MAP3K8: variants seen among roughly 807,000 people sequenced by gnomAD.
MAP3K8 encodes mitogen-activated protein kinase kinase kinase 8, also known as Ewing sarcoma transformant.
Under a neutral mutation model 45.8 loss-of-function variants are expected in MAP3K8, and 22 were observed. The observed-to-expected ratio is 0.48, with a 90% CI of 0.34 to 0.69. MAP3K8 has a LOEUF of 0.69. Among genes scored for constraint, MAP3K8 ranks in the 30% least tolerant of loss-of-function variants. The pLI, the probability that MAP3K8 is intolerant of heterozygous loss-of-function variation, is 0.01. For synonymous variants in MAP3K8, 223 were observed against 214.3 expected (o/e 1.04, Z -0.36); for missense variants, 419 against 585.0 (o/e 0.72, Z 2.93).
chr10:30,458,998 G>T (rs570675977), intron 7 of MAP3K8, among the ~76,000 whole-genome samples: 17 of 152,218 alleles, frequency 1.1e-4, no homozygotes, highest in East Asian at 7.7e-4. Context: ...GATCACTTGA[G>T]CCCAGGAGTT....
intron 3 of MAP3K8, among the ~76,000 whole-genome samples, chr10:30,446,233 T>C (rs1452843654): frequency 6.6e-6 from 1 of 152,080 alleles, no homozygotes; most frequent in Admixed American, 6.5e-5. Context: ...TAAGGTCCTT[T>C]AATAGTTTCA....
intron 3 of MAP3K8, among the ~76,000 whole-genome samples, chr10:30,447,366 C>T (rs1049145152): frequency 6.6e-6 from 1 of 152,136 alleles, no homozygotes; most frequent in Non-Finnish European, 1.5e-5. Context: ...TCTCTGTATG[C>T]GTCATGTGTG....
intron 3 of MAP3K8, among the ~76,000 whole-genome samples, chr10:30,444,373 G>A (rs1383314671): frequency 1.3e-5 from 2 of 152,138 alleles, no homozygotes; most frequent in Non-Finnish European, 1.5e-5. Context: ...TGAGACAGGA[G>A]AATCGCTTGA....
intron 3 of MAP3K8, among the ~76,000 whole-genome samples, chr10:30,441,847 T>A (rs1001336828): frequency 5.3e-5 from 8 of 152,202 alleles, no homozygotes; most frequent in African/African-American, 1.7e-4. Flanking sequence ...CGGCTCCCTT[T>A]CATCCTCACG....
Position 30,458,253 on chromosome 10 carries a change from C to CCCCGGGG in MAP3K8, c.1026+17_1026+18insCCCGGGG. On this transcript the variant is annotated intron_variant, in intron 7 of 8. Transcript: ENST00000263056. ...CTGTACATAGTAAGTGGGGTTCAAC[C>CCCCGGGG]AGGGCTGGGGGCGGCGGGGGGGGGC... is the stretch of plus-strand genomic sequence containing the variant. The CCCCGGGG allele has an allele frequency of 1.7e-6, 1 of 599,134 alleles. No individual in the cohort carries two copies. The highest frequency in any genetic ancestry group is 2.3e-5 in the African/African-American group (1 of 44,172). The allele number at this position is 599,134 out of a possible 1,614,324, so 37.1% of individuals were successfully genotyped here. A position where few individuals can be genotyped will look rare whatever the true frequency, so the allele number is the denominator to read the frequency against.
At chr10:30,439,855 A>T (rs890508574) in intron 3 of MAP3K8, among the ~76,000 whole-genome samples, 4 of 152,256 alleles carry the variant, frequency 2.6e-5, no homozygotes, top group African/African-American at 7.2e-5. Context: ...TTCACTAAAA[A>T]GTTTATTCAT....
At chr10:30,450,837 T>A (rs1836512658) in intron 5 of MAP3K8, among the ~76,000 whole-genome samples, 1 of 151,984 alleles carries the variant, frequency 6.6e-6, no homozygotes, top group East Asian at 1.9e-4. Context: ...ATCTCAGCAC[T>A]TTGGGATGCT....
At chr10:30,434,780 T>G (rs1374172348) in intron 1 of MAP3K8, 1 of 985,296 alleles carries the variant, frequency 1.0e-6, no homozygotes, top group African/African-American at 1.7e-5. Flanking sequence ...GAGGACCCGA[T>G]CCTCCCAAAT....
chr10:30,450,927 CAAAA>C (rs1390384535), intron 5 of MAP3K8, among the ~76,000 whole-genome samples: 2 of 101,904 alleles, frequency 2.0e-5, no homozygotes, highest in African/African-American at 3.6e-5. Context: ...ACTAAAAATA[CAAAA>C]AAAAAAAAAA....
intron 3 of MAP3K8, among the ~76,000 whole-genome samples, chr10:30,439,917 A>G (rs1162084663): frequency 1.3e-5 from 2 of 152,248 alleles, no homozygotes; most frequent in East Asian, 3.8e-4. Flanking sequence ...TGAGAGGGGA[A>G]TAAACACTTT....
chr10:30,459,202 G>A, intron 7 of MAP3K8, 53 bp from the exon 8 acceptor site: 1 of 1,607,046 alleles, frequency 6.2e-7, no homozygotes. Flanking sequence ...TGCTTTTGCT[G>A]TTGAGGGTGT....
At chr10:30,438,713 A>G (rs1242540567) in intron 2 of MAP3K8, 1 of 427,766 alleles carries the variant, frequency 2.3e-6, no homozygotes, top group African/African-American at 2.0e-5. Context: ...CCCTCTGCAA[A>G]GTGAGCTGGA....
chr10:30,446,569 A>T (rs78398619), intron 3 of MAP3K8, among the ~76,000 whole-genome samples: 3 of 151,824 alleles, frequency 2.0e-5, no homozygotes, highest in African/African-American at 7.3e-5. Context: ...AAGAAGTTTC[A>T]TAACTCCTGA....
intron 6 of MAP3K8, among the ~76,000 whole-genome samples, chr10:30,456,662 T>TA (rs1237374298): frequency 6.6e-6 from 1 of 152,204 alleles, no homozygotes; most frequent in Non-Finnish European, 1.5e-5. Flanking sequence ...TGGTCACCAG[T>TA]GTTTGCTCTG....
rs756322304 is a variant in MAP3K8 at position 30,447,811 on chromosome 10, A to T, written c.366A>T (p.Gln122His). ...MVITPQNGRY[Q>H]IDSDVLLIPW... Reference sequence around the variant, plus strand: ...TCACTCCCCAAAATGGACGTTACCAAATAGATTCCGATGTTCTCCTGATCC... The same window carrying T: ...TCACTCCCCAAAATGGACGTTACCATATAGATTCCGATGTTCTCCTGATCC... The change falls in exon 4 of 9, where the codon CAA becomes CAT. Residue 122 changes from glutamine (Q) to histidine (H), a missense_variant. Physicochemically the swap from Gln to His is conservative, Grantham distance 24 (BLOSUM62 0). This residue lies in a region of MAP3K8 where 209 missense variants were observed against 367.3 expected (regional missense o/e 0.57). Coordinates refer to ENST00000263056, the MANE Select transcript of MAP3K8 (RefSeq NM_005204.4). The T allele has an allele frequency of 4.3e-6, 7 of 1,613,914 alleles. No homozygotes were observed. In the East Asian group the frequency reaches 1.6e-4, roughly 36 times the overall value.
chr10:30,442,978 C>G (rs1037281889), intron 3 of MAP3K8, among the ~76,000 whole-genome samples: 1 of 152,188 alleles, frequency 6.6e-6, no homozygotes, highest in African/African-American at 2.4e-5. Context: ...TGACAAGGAG[C>G]TCATTACACA....
intron 3 of MAP3K8, among the ~76,000 whole-genome samples, chr10:30,442,351 T>C (rs1033892277): frequency 9.9e-5 from 15 of 152,092 alleles, no homozygotes; most frequent in Non-Finnish European, 2.2e-4. Flanking sequence ...AAGTGTTGAG[T>C]TGGAGTCAGC....
chr10:30,449,810 A>G (rs1836474482), intron 4 of MAP3K8, among the ~76,000 whole-genome samples: 1 of 152,196 alleles, frequency 6.6e-6, no homozygotes, highest in East Asian at 1.9e-4. Flanking sequence ...GCCCAGCCTC[A>G]GTGCTTATTT....
rs756197619 is a variant in MAP3K8 at position 30,451,762 on chromosome 10, A to G, written c.873+18A>G. 2 of 1,316,608 alleles carry G rather than the reference A, an allele frequency of 1.5e-6. No individual in the cohort carries two copies. 81.6% of individuals were successfully genotyped at this position (1,316,608 alleles called of 1,614,324 possible). A position where few individuals can be genotyped will look rare whatever the true frequency, so the allele number is the denominator to read the frequency against. Reference sequence around the variant, plus strand: ...GAACAGAGGTAATTATGTTCACATGAAAAGGGTTACTATTTTATTAAGAAT... The same window carrying G: ...GAACAGAGGTAATTATGTTCACATGGAAAGGGTTACTATTTTATTAAGAAT... On this transcript the variant is annotated intron_variant, in intron 6 of 8. Transcript: ENST00000263056.
Sources: allele counts gnomAD v4.1 joint callset (sites outside exome capture counted in the v4.1 genomes callset), GRCh38; gene constraint gnomAD v4.1.1; regional missense constraint gnomAD v4.1.1; transcripts MANE v1.5; gene names NCBI Gene and HGNC (gene_info 2026-07-23, HGNC 2026-07-21).